The following ALKBH8 variants were observed in gnomAD, a reference collection of about 807,000 sequenced individuals.
ALKBH8 encodes the protein tRNA (carboxymethyluridine(34)-5-O)-methyltransferase ALKBH8.
Under a neutral mutation model 59.8 loss-of-function variants are expected in ALKBH8, and 36 were observed. The ratio of observed to expected loss-of-function variants is 0.60; its 90% confidence interval spans 0.46 to 0.79. The LOEUF is 0.79. ALKBH8 is among the 30% of genes least tolerant of loss of function. ALKBH8 has a pLI of 0.00. For missense variants in ALKBH8, 768 were observed against 801.0 expected, an observed-to-expected ratio of 0.96 and a Z score of 0.50; for synonymous variants, 276 against 273.6, an observed-to-expected ratio of 1.01 and a Z score of -0.09.
intron 7 of ALKBH8, among the ~76,000 whole-genome samples, chr11:107,534,138 A>T (rs1170390597): frequency 6.6e-6 from 1 of 152,176 alleles, no homozygotes; most frequent in African/African-American, 2.4e-5. Context: ...TCACCAAAAA[A>T]TAAATAAATA....
intron 8 of ALKBH8, among the ~76,000 whole-genome samples, chr11:107,526,955 T>C (rs1195174543): frequency 6.6e-6 from 1 of 152,020 alleles, no homozygotes; most frequent in Non-Finnish European, 1.5e-5. Context: ...ACAATACTAT[T>C]TTGATTATAT....
chr11:107,532,228 C>T, intron 8 of ALKBH8, 72 bp downstream of exon 8: 2 of 1,262,070 alleles, frequency 1.6e-6, no homozygotes, highest in East Asian at 2.5e-5. Flanking sequence ...AGGGCATGGT[C>T]CCCGTGGCTC....
chr11:107,517,445 G>A (rs1307519204), intron 10 of ALKBH8, among the ~76,000 whole-genome samples: 1 of 152,116 alleles, frequency 6.6e-6, no homozygotes, highest in East Asian at 1.9e-4. Context: ...AAATCGGTAG[G>A]TCAAAGAGAT....
intron 10 of ALKBH8, among the ~76,000 whole-genome samples, chr11:107,521,243 A>G (rs1863097684): frequency 6.6e-6 from 1 of 152,194 alleles, no homozygotes; most frequent in Non-Finnish European, 1.5e-5. Flanking sequence ...GTATGGCCCC[A>G]CAAAGAACAG....
At chr11:107,553,699 T>A in intron 4 of ALKBH8, 148 bp downstream of exon 4, 1 of 784,528 alleles carries the variant, frequency 1.3e-6, no homozygotes, top group Admixed American at 3.0e-5. Context: ...TTAATGTTCC[T>A]AAGAATTGTT....
At chr11:107,549,656 A>T in intron 7 of ALKBH8, 97 bp downstream of exon 7, 1 of 889,376 alleles carries the variant, frequency 1.1e-6, no homozygotes, top group Non-Finnish European at 1.6e-6. Context: ...TCATTTTTAA[A>T]TCTTAATTCA....
At chr11:107,527,354 A>C (rs1336190366) in intron 8 of ALKBH8, among the ~76,000 whole-genome samples, 2 of 151,972 alleles carry the variant, frequency 1.3e-5, no homozygotes, top group Non-Finnish European at 2.9e-5. Context: ...TTATATAAAA[A>C]TATAATTTTT....
At position 107,546,263 on chromosome 11, in the gene ALKBH8, A is replaced by G. The variant is rs1473071859; in HGVS notation, c.771+3490T>C. Among the ~76,000 whole-genome samples the G allele has an allele frequency of 5.5e-4, 83 of 152,068 alleles. 1 individual carries two copies. The highest frequency in any genetic ancestry group is 5.9e-5 in the Non-Finnish European group (4 of 68,000). ...AGTTATTTTCATTATCAGCTGACCAACTCTTACGGTACTTGATGAACTGAG... is the reference window on the plus strand; with the variant it reads ...AGTTATTTTCATTATCAGCTGACCAGCTCTTACGGTACTTGATGAACTGAG... On this transcript the variant is annotated intron_variant, in intron 7 of 11. Transcript: ENST00000428149.
chr11:107,551,707 AT>A (rs367892806), intron 6 of ALKBH8, 100 bp downstream of exon 6: 9,791 of 283,706 alleles, frequency 0.035, 27 homozygotes, highest in Non-Finnish European at 0.042. Context: ...AAAAAAAAAA[AT>A]AATAATAATA....
intron 7 of ALKBH8, among the ~76,000 whole-genome samples, chr11:107,533,064 C>T (rs563128931): frequency 1.1e-3 from 168 of 152,030 alleles, no homozygotes; most frequent in African/African-American, 2.6e-3. Flanking sequence ...GGAACATTTT[C>T]GGCAACTTTT....
rs1243672330 is a variant in ALKBH8 at position 107,511,990 on chromosome 11, T to TA, written c.1288-955dup. On this transcript the variant is annotated intron_variant, in intron 10 of 11. Coordinates refer to ENST00000428149, the MANE Select transcript of ALKBH8 (RefSeq NM_138775.3). The stretch of plus-strand genomic sequence containing the variant: ...TGATATTTAATTAAGTCTTTTCATA[T>TA]ACCCAAACAATCCTACAGGATTGAT... 1.2e-4 allele frequency among the ~76,000 whole-genome samples: 19 copies of TA among 152,308 alleles called. No homozygotes were observed. The East Asian group carries it at 3.7e-3, about 29-fold the overall frequency.
chr11:107,557,039 C>A, intron 2 of ALKBH8, 36 bp from the exon 3 acceptor site: 1 of 1,407,966 alleles, frequency 7.1e-7, no homozygotes. Context: ...AAGAAAGTAA[C>A]ATGAGCAACT....
At chr11:107,558,197 A>G (rs1307036999) in intron 2 of ALKBH8, among the ~76,000 whole-genome samples, 1 of 152,224 alleles carries the variant, frequency 6.6e-6, no homozygotes, top group African/African-American at 2.4e-5. Context: ...ATTACACAAA[A>G]TAAGAATACC....
At chr11:107,554,061 A>T in intron 3 of ALKBH8, 83 bp from the exon 4 acceptor site, 2 of 1,510,214 alleles carry the variant, frequency 1.3e-6, no homozygotes, top group Admixed American at 2.3e-5. Flanking sequence ...ACTCTTTATC[A>T]GTTCACAAAA....
chr11:107,556,612 A>T (rs1010941654), intron 3 of ALKBH8, among the ~76,000 whole-genome samples, 154 bp downstream of exon 3: 2 of 152,234 alleles, frequency 1.3e-5, no homozygotes, highest in African/African-American at 4.8e-5. Flanking sequence ...CATGCCTGGC[A>T]CAAATAGGTG....
At chr11:107,530,599 T>TAACACA (rs1401907153) in intron 8 of ALKBH8, among the ~76,000 whole-genome samples, 8 of 70,284 alleles carry the variant, frequency 1.1e-4, no homozygotes, top group South Asian at 1.2e-3. Context: ...TCTCTCTTCC[T>TAACACA]AACACACACA....
chr11:107,532,154 C>T (rs929065146), intron 8 of ALKBH8, 146 bp downstream of exon 8: 3 of 557,858 alleles, frequency 5.4e-6, no homozygotes, highest in Non-Finnish European at 9.0e-6. Flanking sequence ...TAATGTTTAA[C>T]AAAAACGAAA....
At chr11:107,535,752 G>A (rs771098821) in intron 7 of ALKBH8, among the ~76,000 whole-genome samples, 3 of 152,094 alleles carry the variant, frequency 2.0e-5, no homozygotes, top group Admixed American at 6.6e-5. Flanking sequence ...TTTGGGTAAT[G>A]TGTCCACAAT....
intron 10 of ALKBH8, among the ~76,000 whole-genome samples, chr11:107,516,578 A>G (rs1043111191): frequency 1.6e-4 from 25 of 152,236 alleles, no homozygotes; most frequent in African/African-American, 6.0e-4. Context: ...CCAAAAACAA[A>G]GTTAACTAAA....
Sources: gnomAD v4.1 joint callset for allele counts (sites outside exome capture counted in the v4.1 genomes callset) on GRCh38, gnomAD v4.1.1 for gene constraint, MANE v1.5 for transcripts, NCBI Gene and HGNC (gene_info 2026-07-23, HGNC 2026-07-21) for gene names.